FOXN3: variants seen among roughly 807,000 people sequenced by gnomAD.
The protein encoded by FOXN3 is forkhead box protein N3.
Under a neutral mutation model 38.4 loss-of-function variants are expected in FOXN3, and 7 were observed. The ratio of observed to expected loss-of-function variants is 0.18; its 90% CI spans 0.10 to 0.34. The LOEUF (loss-of-function observed/expected upper bound fraction) is 0.34, where lower values mean the gene tolerates loss of function less well. Among genes scored for constraint, FOXN3 ranks in the 10% least tolerant of loss-of-function variants. The pLI is 1.00. For synonymous variants in FOXN3, 230 were observed against 242.2 expected (o/e 0.95, Z 0.47); for missense variants, 456 against 613.4 (o/e 0.74, Z 2.71).
intron 4 of FOXN3, among the ~76,000 whole-genome samples, chr14:89,273,064 T>C (rs1183538879): frequency 6.6e-6 from 1 of 152,230 alleles, no homozygotes; most frequent in Non-Finnish European, 1.5e-5. Flanking sequence ...TGCTTCTTCA[T>C]GGCCACTGTT....
intron 4 of FOXN3, among the ~76,000 whole-genome samples, chr14:89,240,896 G>A (rs1473097623): frequency 6.6e-6 from 1 of 152,224 alleles, no homozygotes; most frequent in East Asian, 1.9e-4. Flanking sequence ...TGGCTCCCAG[G>A]ACTCCCAGCC....
intron 4 of FOXN3, among the ~76,000 whole-genome samples, chr14:89,236,106 G>A (rs1328174339): frequency 1.3e-5 from 2 of 152,206 alleles, no homozygotes; most frequent in Non-Finnish European, 2.9e-5. Context: ...TTTCTTGGAT[G>A]TAGTCACTAG....
At chr14:89,395,633 A>T (rs888712340) in intron 2 of FOXN3, among the ~76,000 whole-genome samples, 2 of 152,148 alleles carry the variant, frequency 1.3e-5, no homozygotes, top group African/African-American at 4.8e-5. Flanking sequence ...GGCTTTCCTG[A>T]TGCCTAGCAT....
intron 3 of FOXN3, among the ~76,000 whole-genome samples, chr14:89,281,255 G>C (rs1886453340): frequency 6.6e-6 from 1 of 152,152 alleles, no homozygotes; most frequent in African/African-American, 2.4e-5. Flanking sequence ...CTGGGCACTG[G>C]AATGACCGAC....
intron 1 of FOXN3, among the ~76,000 whole-genome samples, chr14:89,465,567 A>C (rs953975235): frequency 1.3e-5 from 2 of 152,220 alleles, no homozygotes; most frequent in African/African-American, 2.4e-5. Context: ...AATACAATCC[A>C]GAAGAACTTT....
At position 89,579,111 on chromosome 14, in the gene FOXN3, A is replaced by G. The variant is rs150503436; in HGVS notation, c.-15+39917T>C. ...GTGATCCTCCCATCTCGGCCTCCCA[A>G]AGTGCTAGGATTACAGGCATGAGCC... On this transcript the variant is annotated intron_variant, in intron 1 of 6. Transcript: ENST00000345097. Among the ~76,000 whole-genome samples the G allele has an allele frequency of 1.9e-3, 285 of 151,104 alleles. 1 individual carries two copies. In the East Asian group the frequency reaches 0.028, roughly 15 times the overall value.
chr14:89,386,946 G>T (rs1035275780), intron 2 of FOXN3, among the ~76,000 whole-genome samples: 2 of 152,120 alleles, frequency 1.3e-5, no homozygotes, highest in Non-Finnish European at 2.9e-5. Context: ...CACATTGAGG[G>T]TTTGCGCTTC....
At chr14:89,446,087 C>CAAAAA (rs576883864) in intron 1 of FOXN3, among the ~76,000 whole-genome samples, 68 of 40,106 alleles carry the variant, frequency 1.7e-3, no homozygotes, top group South Asian at 6.8e-3. Flanking sequence ...GACCCTGCCT[C>CAAAAA]AAAAAAAAAA....
chr14:89,498,370 G>A lies in FOXN3; in HGVS notation c.-14-85880C>T, dbSNP rs1374729256. ...CCAGAGTAGCTGGGACTACAGGCAC[G>A]TGCCACCACACCCAGCTAAATTTTT... On this transcript the variant is annotated intron_variant, in intron 1 of 6. Coordinates refer to the FOXN3 transcript ENST00000345097. 1.3e-5 allele frequency among the ~76,000 whole-genome samples: 2 copies of A among 151,646 alleles called. 1 individual carries two copies. The highest frequency in any genetic ancestry group is 4.2e-4 in the South Asian group (2 of 4,810).
chr14:89,167,053 T>C (rs529566930), intron 5 of FOXN3, among the ~76,000 whole-genome samples: 1 of 152,382 alleles, frequency 6.6e-6, no homozygotes, highest in Admixed American at 6.5e-5. Flanking sequence ...TGTGTAACGA[T>C]ATTGCAATTA....
intron 1 of FOXN3, among the ~76,000 whole-genome samples, chr14:89,472,589 C>T (rs1435586215): frequency 2.6e-5 from 4 of 151,706 alleles, no homozygotes; most frequent in East Asian, 2.0e-4. Context: ...GGCGTGGTGG[C>T]GGACGCCTGC....
Position 89,325,335 on chromosome 14 carries a change from CACCACCACCACCACCACCACCACCACT to C in FOXN3, c.680+25310_680+25336del, listed in dbSNP as rs1888039942. ...CCACGACCACCACCACCACCACCAC[CACCACCACCACCACCACCACCACCACT>C]ACCACCACCGCCACCACCACCATCA... On this transcript the variant is annotated intron_variant, in intron 3 of 5. Coordinates refer to ENST00000557258, the MANE Select transcript of FOXN3 (RefSeq NM_005197.4). Among the ~76,000 whole-genome samples, 5 of 146,490 alleles carry C rather than the reference CACCACCACCACCACCACCACCACCACT, an allele frequency of 3.4e-5. No homozygotes were observed. The South Asian group carries it at 1.1e-3, about 32-fold the overall frequency.
intron 2 of FOXN3, among the ~76,000 whole-genome samples, chr14:89,358,119 G>A (rs2140021129): frequency 6.6e-6 from 1 of 152,310 alleles, no homozygotes; most frequent in East Asian, 1.9e-4. Context: ...TATAGTCTCT[G>A]TAGGTCACAT....
At chr14:89,527,181 A>G (rs1289325615) in intron 1 of FOXN3, among the ~76,000 whole-genome samples, 1 of 152,206 alleles carries the variant, frequency 6.6e-6, no homozygotes, top group Non-Finnish European at 1.5e-5. Context: ...TGAAATCCAT[A>G]TGCAAAGAAA....
intron 2 of FOXN3, among the ~76,000 whole-genome samples, chr14:89,352,824 T>C (rs954589239): frequency 6.6e-6 from 1 of 152,164 alleles, no homozygotes; most frequent in Admixed American, 6.5e-5. Context: ...ACGTGGTTTC[T>C]CCTAATCCTA....
intron 1 of FOXN3, among the ~76,000 whole-genome samples, chr14:89,423,901 G>T (rs576427153): frequency 1.3e-5 from 2 of 152,304 alleles, no homozygotes; most frequent in African/African-American, 4.8e-5. Flanking sequence ...TCCTATAAGA[G>T]AGTTAACTTC....
chr14:89,416,287 G>A (rs1161924043), intron 1 of FOXN3, among the ~76,000 whole-genome samples: 4 of 152,216 alleles, frequency 2.6e-5, no homozygotes, highest in African/African-American at 9.6e-5. Context: ...AGGGCAATTG[G>A]GAGCTCGCAT....
At chr14:89,572,908 C>T (rs752192019) in intron 1 of FOXN3, among the ~76,000 whole-genome samples, 7 of 152,184 alleles carry the variant, frequency 4.6e-5, no homozygotes, top group Admixed American at 3.3e-4. Flanking sequence ...TCGGGGTCAT[C>T]GAACAGGGTT....
chr14:89,502,435 T>C (rs1197055223), intron 1 of FOXN3, among the ~76,000 whole-genome samples: 1 of 152,208 alleles, frequency 6.6e-6, no homozygotes, highest in African/African-American at 2.4e-5. Context: ...GTATTTTAGC[T>C]CTGTCCATGT....
Sources: allele counts gnomAD v4.1 joint callset (sites outside exome capture counted in the v4.1 genomes callset), GRCh38; gene constraint gnomAD v4.1.1; transcripts MANE v1.5; gene names NCBI Gene and HGNC (gene_info 2026-07-23, HGNC 2026-07-21).